The following WNT7A variants were observed in gnomAD, a reference collection of about 807,000 sequenced individuals.
The protein encoded by WNT7A is protein Wnt-7a.
WNT7A carries 16 observed loss-of-function variants against 28.2 expected under a neutral mutation model. The observed-to-expected ratio is 0.57, with a 90% confidence interval of 0.38 to 0.86. The LOEUF is 0.86. Among genes scored for constraint, WNT7A ranks in the 40% least tolerant of loss-of-function variants. The pLI, the probability that WNT7A is intolerant of heterozygous loss-of-function variation, is 0.00. For synonymous variants in WNT7A, 190 were observed against 195.9 expected (o/e 0.97, Z 0.25); for missense variants, 411 against 489.7 (o/e 0.84, Z 1.52).
chr3:13,872,757 G>C (rs1029012138), intron 2 of WNT7A, among the ~76,000 whole-genome samples: 9 of 152,174 alleles, frequency 5.9e-5, no homozygotes, highest in Non-Finnish European at 1.3e-4. Flanking sequence ...TCCAGGCACT[G>C]CCCTGCACTG....
chr3:13,863,270 C>G (rs1195813377), intron 2 of WNT7A, among the ~76,000 whole-genome samples: 1 of 152,198 alleles, frequency 6.6e-6, no homozygotes, highest in Non-Finnish European at 1.5e-5. Flanking sequence ...TGGCCCAGCA[C>G]CCTGTCCATC....
At chr3:13,847,634 C>A (rs76995180) in intron 3 of WNT7A, among the ~76,000 whole-genome samples, 3,001 of 152,282 alleles carry the variant, frequency 0.02, 110 homozygotes, top group African/African-American at 0.068. Context: ...TAAACTTACA[C>A]CTCATAGAAA....
rs763023467 is a variant in WNT7A at position 13,852,404 on chromosome 3, T to A, written c.570+2128A>T. Among the ~76,000 whole-genome samples the A allele has an allele frequency of 7.4e-4, 112 of 152,310 alleles. 1 individual carries two copies. Among genetic ancestry groups the A allele is most frequent in the Non-Finnish European group, 1.3e-3 (88 of 68,022 alleles). On this transcript the variant is annotated intron_variant, in intron 3 of 3. Transcript: ENST00000285018. Reference sequence around the variant, plus strand: ...TCCTGTCGGTTTCCCAGCCCTGCCATGCGTGGAGCCCATGGCAGCCTGTTG... The same window carrying A: ...TCCTGTCGGTTTCCCAGCCCTGCCAAGCGTGGAGCCCATGGCAGCCTGTTG...
chr3:13,840,194 C>T lies in WNT7A; in HGVS notation c.570+14338G>A, dbSNP rs549696758. ...TCCTCACTTCCTGTTCAGAACTTAC[C>T]TTCTCCAGGAGGCCTCTCCTGATCG... is the stretch of plus-strand genomic sequence containing the variant. On this transcript the variant is annotated intron_variant, in intron 3 of 3. Transcript: ENST00000285018. Among the ~76,000 whole-genome samples, 247 of 152,322 alleles carry T rather than the reference C, an allele frequency of 1.6e-3. 1 individual carries two copies. The highest frequency in any genetic ancestry group is 5.5e-3 in the African/African-American group (229 of 41,576).
At chr3:13,828,390 A>T (rs1694230786) in intron 3 of WNT7A, among the ~76,000 whole-genome samples, 1 of 152,246 alleles carries the variant, frequency 6.6e-6, no homozygotes, top group Non-Finnish European at 1.5e-5. Flanking sequence ...GGATCAAGCC[A>T]GACCTGAATT....
chr3:13,875,163 A>G lies in WNT7A; in HGVS notation c.82T>C (p.Ser28Pro). The G allele has an allele frequency of 6.2e-7, 1 of 1,614,002 alleles. No homozygotes were observed. Among genetic ancestry groups the G allele is most frequent in the Non-Finnish European group, 8.5e-7 (1 of 1,180,018 alleles). The change falls in exon 2 of 4, where the codon TCA (serine) becomes CCA (proline). Residue 28 changes from serine (S) to proline (P), a missense_variant. Coordinates refer to ENST00000285018, the MANE Select transcript of WNT7A (RefSeq NM_004625.4). Reference sequence around the variant, plus strand: ...ATGCTTGCGCCCAGAGCTACCACTGAGGAGAAGCCACTGGAGGGAGAGACA... The same window carrying G: ...ATGCTTGCGCCCAGAGCTACCACTGGGGAGAAGCCACTGGAGGGAGAGACA... ...MVYLRIGGFS[S>P]VVALGASIIC...
rs575789769 is a variant in WNT7A at position 13,818,351 on chromosome 3, C to CGAAAAAAAAAAAAAAAAAA, written c.*592_*593insTTTTTTTTTTTTTTTTTTC. ...TTTCTGGATAAGTAGCAGCAAACAG[C>CGAAAAAAAAAAAAAAAAAA]AAAAAAAAAAAAAAAAATGTGTGTG... is the stretch of plus-strand genomic sequence containing the variant. On this transcript the variant is annotated 3_prime_UTR_variant, in exon 4 of 4. Coordinates refer to ENST00000285018, the MANE Select transcript of WNT7A (RefSeq NM_004625.4). 8.3e-4 allele frequency: 66 copies of CGAAAAAAAAAAAAAAAAAA among 79,938 alleles called. 5 individuals are homozygous for CGAAAAAAAAAAAAAAAAAA. The South Asian group carries it at 0.014, about 17-fold the overall frequency. 5.0% of individuals were successfully genotyped at this position (79,938 alleles called of 1,614,324 possible). A position where few individuals can be genotyped will look rare whatever the true frequency, so the allele number is the denominator to read the frequency against.
chr3:13,863,418 A>ATGTGTGTGTGTGTATGTG (rs75347198), intron 2 of WNT7A, among the ~76,000 whole-genome samples: 1 of 644 alleles, frequency 1.6e-3, no homozygotes, highest in African/African-American at 0.011. Context: ...GTGTATGTGT[A>ATGTGTGTGTGTGTATGTG]TATGTGTGTG....
At chr3:13,834,264 T>A (rs1694328901) in intron 3 of WNT7A, among the ~76,000 whole-genome samples, 1 of 152,130 alleles carries the variant, frequency 6.6e-6, no homozygotes, top group Non-Finnish European at 1.5e-5. Flanking sequence ...CACAGTCATG[T>A]GTGGGTGAAA....
chr3:13,820,969 C>A (rs1396309508), intron 3 of WNT7A, among the ~76,000 whole-genome samples: 4 of 152,160 alleles, frequency 2.6e-5, no homozygotes, highest in African/African-American at 9.7e-5. Flanking sequence ...CTCCCAGGAC[C>A]CCCCCACACG....
chr3:13,879,758 T>C lies in WNT7A; in HGVS notation c.59A>G (p.Tyr20Cys). The change falls in exon 1 of 4, where the codon TAC becomes TGC. Residue 20 changes from tyrosine to cysteine, a missense_variant. Physicochemically the swap from Tyr to Cys is radical, Grantham distance 194 (BLOSUM62 -2). Transcript: ENST00000285018. ...GHLFLSLGMV[Y>C]LRIGGFSSVV... ...AGGCAGCCCTTACCCGATCCGGAGGTAGACCATGCCCAGGCTGAGAAAGAG... is the reference window on the plus strand; with the variant it reads ...AGGCAGCCCTTACCCGATCCGGAGGCAGACCATGCCCAGGCTGAGAAAGAG... 1 of 1,612,398 alleles carries C rather than the reference T, an allele frequency of 6.2e-7. No homozygotes were observed. The highest frequency in any genetic ancestry group is 1.3e-5 in the African/African-American group (1 of 74,886).
chr3:13,872,853 C>T (rs193299498), intron 2 of WNT7A, among the ~76,000 whole-genome samples: 8 of 152,258 alleles, frequency 5.3e-5, no homozygotes, highest in Admixed American at 3.3e-4. Context: ...GAAAATTATA[C>T]GGGAATGAAC....
intron 3 of WNT7A, among the ~76,000 whole-genome samples, chr3:13,831,498 C>T (rs1694279099): frequency 6.6e-6 from 1 of 152,166 alleles, no homozygotes. Flanking sequence ...GCCTTGCTCC[C>T]TCGGTGATGG....
At chr3:13,831,023 G>A (rs575626209) in intron 3 of WNT7A, among the ~76,000 whole-genome samples, 170 of 152,264 alleles carry the variant, frequency 1.1e-3, no homozygotes, top group African/African-American at 3.9e-3. Context: ...GGAAGGAGGC[G>A]CTCATAATCA....
intron 3 of WNT7A, among the ~76,000 whole-genome samples, chr3:13,852,293 G>A (rs1235354503): frequency 6.6e-6 from 1 of 152,220 alleles, no homozygotes; most frequent in Non-Finnish European, 1.5e-5. Context: ...TTTCCTCATG[G>A]CAGGAGTGAG....
intron 2 of WNT7A, among the ~76,000 whole-genome samples, chr3:13,870,779 G>T (rs954269551): frequency 7.2e-5 from 11 of 152,252 alleles, no homozygotes; most frequent in African/African-American, 2.4e-4. Context: ...TGCCCCAAGA[G>T]GTGGCCCTGG....
rs1002349524 is a variant in WNT7A at position 13,817,724 on chromosome 3, C to G, written c.*1220G>C. 2.6e-5 allele frequency: 4 copies of G among 152,274 alleles called. No homozygotes were observed. The highest frequency in any genetic ancestry group is 7.2e-5 in the African/African-American group (3 of 41,450). 9.4% of individuals were successfully genotyped at this position (152,274 alleles called of 1,614,324 possible). ...ACCTTCCAGGACACGCAGGCAATGG[C>G]TAGTGTCTTGGTGAGGTGTGGGGCT... On this transcript the variant is annotated 3_prime_UTR_variant, in exon 4 of 4. Transcript: ENST00000285018.
chr3:13,867,659 CCCCAAGGAACCCACT>C (rs2124872287), intron 2 of WNT7A, among the ~76,000 whole-genome samples: 1 of 152,270 alleles, frequency 6.6e-6, no homozygotes, highest in Non-Finnish European at 1.5e-5. Context: ...AGCCCACTCA[CCCCAAGGAACCCACT>C]CATCCCTAGG....
chr3:13,829,840 C>A (rs1036499207), intron 3 of WNT7A, among the ~76,000 whole-genome samples: 5 of 152,102 alleles, frequency 3.3e-5, no homozygotes, highest in African/African-American at 4.8e-5. Context: ...GTGACCATTT[C>A]CCCCAGAGGT....
Sources: gnomAD v4.1 joint callset for allele counts (sites outside exome capture counted in the v4.1 genomes callset) on GRCh38, gnomAD v4.1.1 for gene constraint, MANE v1.5 for transcripts, NCBI Gene and HGNC (gene_info 2026-07-23, HGNC 2026-07-21) for gene names.